Variants in PPP4R1 observed in about 807,000 individuals in gnomAD.
PPP4R1 encodes protein phosphatase 4 regulatory subunit 1.
In PPP4R1, 42 loss-of-function variants were observed where a neutral mutation model predicts 111.2. That is an observed-to-expected ratio of 0.38 (90% CI 0.29 to 0.49). The LOEUF (loss-of-function observed/expected upper bound fraction) is 0.49, where lower values mean the gene tolerates loss of function less well. PPP4R1 is among the 20% of genes least tolerant of loss of function. The probability of loss-of-function intolerance (pLI) is 0.97; values close to 1 mark genes in which losing one functional copy is unlikely to be tolerated. For missense variants in PPP4R1, 1,012 were observed against 1,161.6 expected, an observed-to-expected ratio of 0.87 and a Z score of 1.87; for synonymous variants, 409 against 405.5, an observed-to-expected ratio of 1.01 and a Z score of -0.10.
At chr18:9,586,962 T>C (rs980644820) in intron 6 of PPP4R1, among the ~76,000 whole-genome samples, 4 of 152,204 alleles carry the variant, frequency 2.6e-5, no homozygotes, top group Middle Eastern at 3.2e-3. Flanking sequence ...TTTGACTTTA[T>C]GATGTGCGTA....
intron 6 of PPP4R1, among the ~76,000 whole-genome samples, chr18:9,586,679 A>G (rs974058007): frequency 6.6e-6 from 1 of 152,328 alleles, no homozygotes; most frequent in East Asian, 1.9e-4. Flanking sequence ...CACTAAATAT[A>G]GTGTGATTAT....
intron 2 of PPP4R1, among the ~76,000 whole-genome samples, chr18:9,601,384 G>C (rs766552327): frequency 2.0e-5 from 3 of 151,932 alleles, no homozygotes; most frequent in Non-Finnish European, 4.4e-5. Flanking sequence ...AAATTAGTCA[G>C]GCATGGTGGT....
chr18:9,575,823 A>G (rs1260392592), intron 10 of PPP4R1, among the ~76,000 whole-genome samples: 1 of 152,220 alleles, frequency 6.6e-6, no homozygotes, highest in Non-Finnish European at 1.5e-5. Context: ...AGCTCGTCCT[A>G]TACAGTTCTC....
chr18:9,562,056 TG>T lies in PPP4R1; in HGVS notation c.1765del (p.His589ThrfsTer9). The T allele has an allele frequency of 6.2e-7, 1 of 1,611,670 alleles. No individual in the cohort carries two copies. Among genetic ancestry groups the T allele is most frequent in the Non-Finnish European group, 8.5e-7 (1 of 1,177,996 alleles). On this transcript the variant is annotated frameshift_variant, in exon 13 of 20. Transcript: ENST00000400556. LOFTEE classifies it high-confidence loss of function. The stretch of plus-strand genomic sequence containing the variant: ...CAAGTCTGAATCGCTGTGAATATAG[TG>T]AAGAGTGGAGTCCATATTCTGTTAG... ...DAVENMDSTLHYIHSDSDLSN... is the reference protein window; with the variant it reads ...DAVENMDSTLXYIHSDSDLSN...
Position 9,588,234 on chromosome 18 carries a change from A to G in PPP4R1, c.440T>C (p.Val147Ala), listed in dbSNP as rs1418493604. The change falls in exon 6 of 20, where the codon GTG (valine) becomes GCG (alanine). Residue 147 changes from valine (V) to alanine (A), a missense_variant and splice_region_variant. By Grantham distance (64) the Val-to-Ala change is moderately conservative. Around this residue, in one of 2 missense-constraint regions of PPP4R1, gnomAD observed 707 missense variants for 742.1 expected, o/e 0.95. Coordinates refer to ENST00000400556, the MANE Select transcript of PPP4R1 (RefSeq NM_001042388.3). The stretch of plus-strand genomic sequence containing the variant: ...CAAAGCTGCCTGACTTGTTTTCCTC[A>G]CCTAGGAGAAAAATAACAACACAAA... ...VRYLADQNNQ[V>A]RKTSQAALLA... 6.2e-7 allele frequency: 1 copy of G among 1,612,174 alleles called. No homozygotes were observed. The highest frequency in any genetic ancestry group is 1.1e-5 in the South Asian group (1 of 90,684).
chr18:9,585,524 T>C (rs917651979), intron 6 of PPP4R1, among the ~76,000 whole-genome samples: 1 of 152,198 alleles, frequency 6.6e-6, no homozygotes, highest in African/African-American at 2.4e-5. Context: ...CATTTATCAA[T>C]TGTATCAATT....
intron 9 of PPP4R1, among the ~76,000 whole-genome samples, chr18:9,581,719 T>G (rs952007471): frequency 5.9e-5 from 9 of 151,978 alleles, no homozygotes; most frequent in African/African-American, 1.7e-4. Flanking sequence ...AACTAGGAAG[T>G]TCAATCAACT....
chr18:9,615,656 C>T (rs2067679985), upstream of PPP4R1, among the ~76,000 whole-genome samples: 1 of 152,194 alleles, frequency 6.6e-6, no homozygotes, highest in Non-Finnish European at 1.5e-5. Flanking sequence ...CACCCAAGGC[C>T]TCCAAAATGG....
chr18:9,584,708 G>C lies in PPP4R1; in HGVS notation c.693+13C>G. 11 of 1,611,458 alleles carry C rather than the reference G, an allele frequency of 6.8e-6. No homozygotes were observed. The highest frequency in any genetic ancestry group is 7.6e-6 in the Non-Finnish European group (9 of 1,178,284). ...TGTTCTTAAACAGCAGAAAAAAAAC[G>C]ACAAAAAAATACCTTTCGAACGTGA... On this transcript the variant is annotated intron_variant, in intron 7 of 19. Transcript: ENST00000400556.
intron 4 of PPP4R1, among the ~76,000 whole-genome samples, chr18:9,592,129 T>C (rs1032224522): frequency 6.6e-6 from 1 of 152,182 alleles, no homozygotes; most frequent in African/African-American, 2.4e-5. Flanking sequence ...TTGTCACCCA[T>C]CTTTTTCACC....
intron 15 of PPP4R1, among the ~76,000 whole-genome samples, chr18:9,556,545 G>GAATT (rs1406404408): frequency 6.6e-6 from 1 of 152,110 alleles, no homozygotes; most frequent in Non-Finnish European, 1.5e-5. Context: ...TCAAGCCTTA[G>GAATT]AATTACCAGA....
intron 9 of PPP4R1, among the ~76,000 whole-genome samples, chr18:9,578,384 G>A (rs1419418813): frequency 6.6e-6 from 1 of 152,116 alleles, no homozygotes; most frequent in Admixed American, 6.5e-5. Flanking sequence ...CTATAGGCAT[G>A]TGCCACCACA....
intron 15 of PPP4R1, among the ~76,000 whole-genome samples, chr18:9,555,862 CAT>C (rs879502771): frequency 0.024 from 3,597 of 149,438 alleles, 70 homozygotes; most frequent in South Asian, 0.085. Context: ...TTAGGCCAGG[CAT>C]GGTGGCTCAC....
At chr18:9,594,444 G>A (rs940615001) in intron 3 of PPP4R1, among the ~76,000 whole-genome samples, 4 of 151,868 alleles carry the variant, frequency 2.6e-5, no homozygotes, top group African/African-American at 9.7e-5. Flanking sequence ...CATTTCAGTT[G>A]TCCTTCAATT....
At chr18:9,553,445 T>C in intron 15 of PPP4R1, 23 bp from the exon 16 acceptor site, 1 of 1,462,168 alleles carries the variant, frequency 6.8e-7, no homozygotes, top group South Asian at 1.1e-5. Context: ...AATAAAAATA[T>C]TTACCAGGAC....
intron 2 of PPP4R1, among the ~76,000 whole-genome samples, chr18:9,602,762 AGCGAG>A: frequency 6.6e-6 from 1 of 150,846 alleles, no homozygotes; most frequent in Non-Finnish European, 1.5e-5. Context: ...AGGAAGTTGC[AGCGAG>A]CTGAAATCGC....
intron 4 of PPP4R1, among the ~76,000 whole-genome samples, chr18:9,593,076 T>G (rs1053474585): frequency 1.3e-5 from 2 of 152,092 alleles, no homozygotes; most frequent in Non-Finnish European, 1.5e-5. Context: ...CTTGCTGAGA[T>G]GCCAAAAAGT....
chr18:9,603,649 G>A (rs2067429923), intron 2 of PPP4R1, among the ~76,000 whole-genome samples: 1 of 146,402 alleles, frequency 6.8e-6, no homozygotes, highest in African/African-American at 2.7e-5. Context: ...ACCATGCCCA[G>A]GTAATTTTCT....
At chr18:9,593,981 G>GT (rs2067252924) in intron 3 of PPP4R1, 107 bp from the exon 4 acceptor site, 1 of 826,938 alleles carries the variant, frequency 1.2e-6, no homozygotes, top group African/African-American at 1.7e-5. Context: ...AGGCCGGAGT[G>GT]TAATGGTGTG....
Sources: allele counts gnomAD v4.1 joint callset (sites outside exome capture counted in the v4.1 genomes callset), GRCh38; gene constraint gnomAD v4.1.1; regional missense constraint gnomAD v4.1.1; transcripts MANE v1.5; gene names NCBI Gene and HGNC (gene_info 2026-07-23, HGNC 2026-07-21).